DLGAP2: variants seen among roughly 807,000 people sequenced by gnomAD.
The protein encoded by DLGAP2 is DLG associated protein 2.
A neutral mutation model predicts 100.3 loss-of-function variants in DLGAP2; 26 were observed. The observed-to-expected ratio is 0.26, with a 90% CI of 0.19 to 0.36. DLGAP2 has a LOEUF of 0.36. Among genes scored for constraint, DLGAP2 ranks in the 10% least tolerant of loss-of-function variants. The pLI, the probability that DLGAP2 is intolerant of heterozygous loss-of-function variation, is 1.00. For synonymous variants in DLGAP2, 886 were observed against 630.1 expected (o/e 1.41, Z -6.08); for missense variants, 1,858 against 1,453.2 (o/e 1.28, Z -4.53).
At chr8:801,458 G>C (rs1563038577) in intron 1 of DLGAP2, among the ~76,000 whole-genome samples, 1 of 152,216 alleles carries the variant, frequency 6.6e-6, no homozygotes, top group Non-Finnish European at 1.5e-5. Flanking sequence ...GCCCTCATTA[G>C]GATGGAGCAT....
chr8:902,202 A>G (rs1459285427), intron 1 of DLGAP2, among the ~76,000 whole-genome samples: 3 of 152,200 alleles, frequency 2.0e-5, no homozygotes, highest in Admixed American at 2.0e-4. Context: ...TCGGGCGCCC[A>G]GCCACGTTCA....
At chr8:1,698,188 A>G (rs1799452348) in intron 14 of DLGAP2, among the ~76,000 whole-genome samples, 1 of 152,328 alleles carries the variant, frequency 6.6e-6, no homozygotes, top group South Asian at 2.1e-4. Flanking sequence ...ATGGATCCAC[A>G]GGTTCCCTCT....
At chr8:953,915 T>C (rs1294100597) in intron 2 of DLGAP2, among the ~76,000 whole-genome samples, 3 of 152,228 alleles carry the variant, frequency 2.0e-5, no homozygotes, top group Non-Finnish European at 2.9e-5. Flanking sequence ...GGATGTTCTT[T>C]AGTGAAACAG....
intron 2 of DLGAP2, among the ~76,000 whole-genome samples, chr8:1,040,662 T>G (rs1161600862): frequency 8.8e-6 from 1 of 113,262 alleles, no homozygotes; most frequent in Non-Finnish European, 1.9e-5. Flanking sequence ...GTGGTCGGCT[T>G]GGTGTGTGTG....
At chr8:1,028,635 C>G (rs1354468766) in intron 2 of DLGAP2, among the ~76,000 whole-genome samples, 1 of 152,236 alleles carries the variant, frequency 6.6e-6, no homozygotes, top group Non-Finnish European at 1.5e-5. Context: ...TCCTCAGAAG[C>G]TGTAGGATGC....
intron 1 of DLGAP2, among the ~76,000 whole-genome samples, chr8:828,228 G>A (rs1216409124): frequency 6.6e-6 from 1 of 152,140 alleles, no homozygotes; most frequent in Non-Finnish European, 1.5e-5. Flanking sequence ...AATTTATTAG[G>A]CAGGAATTTC....
chr8:1,157,373 T>C (rs1458354944), intron 2 of DLGAP2, among the ~76,000 whole-genome samples: 1 of 152,146 alleles, frequency 6.6e-6, no homozygotes, highest in Admixed American at 6.5e-5. Context: ...CGAGTCCTCT[T>C]GAGAACTTGT....
chr8:1,526,781 A>T (rs984978107), intron 4 of DLGAP2, among the ~76,000 whole-genome samples: 1 of 152,320 alleles, frequency 6.6e-6, no homozygotes, highest in Admixed American at 6.5e-5. Flanking sequence ...TATCCCTGTT[A>T]TTGGAAACCC....
intron 3 of DLGAP2, among the ~76,000 whole-genome samples, chr8:1,299,342 C>T (rs1439654136): frequency 6.6e-6 from 1 of 152,220 alleles, no homozygotes; most frequent in Non-Finnish European, 1.5e-5. Flanking sequence ...CTCCACCATA[C>T]AAGGGAATAA....
At chr8:1,194,673 C>G (rs1361160058) in intron 2 of DLGAP2, among the ~76,000 whole-genome samples, 1 of 152,228 alleles carries the variant, frequency 6.6e-6, no homozygotes, top group Non-Finnish European at 1.5e-5. Flanking sequence ...GGGAAACTCA[C>G]CTGACCACAG....
At chr8:942,617 T>G (rs1231024361) in intron 2 of DLGAP2, among the ~76,000 whole-genome samples, 1 of 152,234 alleles carries the variant, frequency 6.6e-6, no homozygotes, top group Admixed American at 6.5e-5. Flanking sequence ...AGCTAACATC[T>G]CATCTTCACC....
At chr8:814,303 A>G (rs1391203063) in intron 1 of DLGAP2, among the ~76,000 whole-genome samples, 1 of 152,224 alleles carries the variant, frequency 6.6e-6, no homozygotes, top group Admixed American at 6.5e-5. Context: ...TCCAGATGCC[A>G]TGTTTGCAAC....
At chr8:907,291 C>G (rs559888573) in intron 1 of DLGAP2, among the ~76,000 whole-genome samples, 20 of 152,224 alleles carry the variant, frequency 1.3e-4, no homozygotes, top group African/African-American at 4.3e-4. Context: ...CCACAGACAT[C>G]TCTTCAGCTG....
intron 4 of DLGAP2, among the ~76,000 whole-genome samples, chr8:1,530,076 A>T (rs1275362857): frequency 6.6e-6 from 1 of 152,212 alleles, no homozygotes; most frequent in African/African-American, 2.4e-5. Flanking sequence ...TGTCATTGAT[A>T]ACATCTTATC....
intron 2 of DLGAP2, among the ~76,000 whole-genome samples, chr8:1,059,240 C>A (rs1180804499): frequency 6.6e-6 from 1 of 152,138 alleles, no homozygotes; most frequent in Admixed American, 6.5e-5. Flanking sequence ...GCCTCATCCC[C>A]TGCCCACTCA....
chr8:1,331,451 C>A (rs1801156110), intron 3 of DLGAP2, among the ~76,000 whole-genome samples: 1 of 152,148 alleles, frequency 6.6e-6, no homozygotes. Flanking sequence ...CTTCCAGGCA[C>A]CATGCCGGGC....
intron 1 of DLGAP2, among the ~76,000 whole-genome samples, chr8:795,781 GCAGGCGTCCGGTGAGAA>G (rs1796017798): frequency 1.4e-5 from 2 of 142,110 alleles, no homozygotes; most frequent in Admixed American, 7.0e-5. Context: ...TCCAGTGAGA[GCAGGCGTCCGGTGAGAA>G]CAGGCGTCCG....
At chr8:897,686 C>T (rs533479853) in intron 1 of DLGAP2, among the ~76,000 whole-genome samples, 5 of 152,324 alleles carry the variant, frequency 3.3e-5, no homozygotes, top group East Asian at 3.9e-4. Context: ...GCTCTCCTCC[C>T]GCCCCTCCCC....
intron 1 of DLGAP2, among the ~76,000 whole-genome samples, chr8:792,993 A>T (rs1428319021): frequency 6.6e-6 from 1 of 152,138 alleles, no homozygotes; most frequent in Non-Finnish European, 1.5e-5. Context: ...CCATGCTGAG[A>T]TGATGTGAGC....
Sources: allele counts gnomAD v4.1 joint callset (sites outside exome capture counted in the v4.1 genomes callset), GRCh38; gene constraint gnomAD v4.1.1; transcripts MANE v1.5; gene names NCBI Gene and HGNC (gene_info 2026-07-23, HGNC 2026-07-21).